Variants in POGLUT3 observed in about 807,000 individuals in gnomAD.
POGLUT3 encodes the protein KDEL (Lys-Asp-Glu-Leu) containing 2.
In POGLUT3, 48 loss-of-function variants were observed where a neutral mutation model predicts 54.3. The observed-to-expected ratio is 0.88, with a 90% CI of 0.70 to 1.12. The LOEUF (loss-of-function observed/expected upper bound fraction) is 1.12, where lower values mean the gene tolerates loss of function less well. Among genes scored for constraint, POGLUT3 ranks in the 50% most tolerant of loss-of-function variants. POGLUT3 has a pLI of 0.00. For synonymous variants in POGLUT3, 218 were observed against 237.4 expected (o/e 0.92, Z 0.75); for missense variants, 629 against 618.7 (o/e 1.02, Z -0.18).
Position 108,482,183 on chromosome 11 carries a change from C to A in POGLUT3, c.724G>T (p.Asp242Tyr), listed in dbSNP as rs762370770. 2 of 1,614,024 alleles carry A rather than the reference C, an allele frequency of 1.2e-6. No individual in the cohort carries two copies. The highest frequency in any genetic ancestry group is 1.7e-6 in the Non-Finnish European group (2 of 1,179,946). The change falls in exon 4 of 8, where the codon GAT (aspartate) becomes TAT (tyrosine). Residue 242 changes from aspartate (D) to tyrosine (Y), a missense_variant. Transcript: ENST00000323468. ...ACTTTTCGATGCTCCAAGGGCCAAT[C>A]TCCAAGATTAACATAAAATTCTAAA... ...PDLEFYVNLG[D>Y]WPLEHRKVNG...
rs2093576860 is a variant in POGLUT3 at position 108,474,706 on chromosome 11, T to C, written c.*121A>G. 1.7e-5 allele frequency: 19 copies of C among 1,144,276 alleles called. No homozygotes were observed. In the South Asian group the frequency reaches 2.4e-4, roughly 14 times the overall value. The allele number at this position is 1,144,276 out of a possible 1,614,324, so 70.9% of individuals were successfully genotyped here. ...CAGTACTGCTATATCCATCTACATATATAAAGCCACCGGGAGAACTAGTCC... is the reference window on the plus strand; with the variant it reads ...CAGTACTGCTATATCCATCTACATACATAAAGCCACCGGGAGAACTAGTCC... On this transcript the variant is annotated 3_prime_UTR_variant, in exon 8 of 8. Transcript: ENST00000323468.
At chr11:108,489,820 C>A (rs534717230) in intron 2 of POGLUT3, among the ~76,000 whole-genome samples, 1 of 152,166 alleles carries the variant, frequency 6.6e-6, no homozygotes, top group African/African-American at 2.4e-5. Context: ...GTGGTATGTG[C>A]CTGCAGTCCT....
At chr11:108,483,492 T>C (rs2135853172) in intron 3 of POGLUT3, among the ~76,000 whole-genome samples, 1 of 152,258 alleles carries the variant, frequency 6.6e-6, no homozygotes, top group East Asian at 1.9e-4. Context: ...TTTGTTTGTA[T>C]TCACATCCCA....
intron 4 of POGLUT3, 41 bp from the exon 5 acceptor site, chr11:108,481,417 T>G: frequency 6.8e-7 from 1 of 1,479,410 alleles, no homozygotes; most frequent in Non-Finnish European, 9.1e-7. Context: ...ATTATGAATT[T>G]GACATTTTAA....
At position 108,473,978 on chromosome 11, in the gene POGLUT3, A is replaced by G. The variant is rs2093575273; in HGVS notation, c.*849T>C. 1 of 152,106 alleles carries G rather than the reference A, an allele frequency of 6.6e-6. No homozygotes were observed. Among genetic ancestry groups the G allele is most frequent in the African/African-American group, 2.4e-5 (1 of 41,424 alleles). 9.4% of individuals were successfully genotyped at this position (152,106 alleles called of 1,614,324 possible). A position where few individuals can be genotyped will look rare whatever the true frequency, so the allele number is the denominator to read the frequency against. ...AGAGTCATTCTCTTCTTCCTTAAAT[A>G]TCCTTATCAGACCTTCTAAAAGGAA... On this transcript the variant is annotated 3_prime_UTR_variant, in exon 8 of 8. Transcript: ENST00000323468.
rs1168030188 is a variant in POGLUT3 at position 108,490,950 on chromosome 11, A to G, written c.400+20T>C. ...GACCTACACACAAGGCTGACTCTGG[A>G]GTATATAATAATCACTTACCTTTCA... On this transcript the variant is annotated intron_variant, in intron 2 of 7. Transcript: ENST00000323468. 2 of 1,594,220 alleles carry G rather than the reference A, an allele frequency of 1.3e-6. No homozygotes were observed. The highest frequency in any genetic ancestry group is 1.7e-6 in the Non-Finnish European group (2 of 1,162,106).
At chr11:108,481,438 A>G (rs2093592385) in intron 4 of POGLUT3, 62 bp from the exon 5 acceptor site, 3 of 1,248,986 alleles carry the variant, frequency 2.4e-6, no homozygotes, top group South Asian at 1.7e-5. Flanking sequence ...TATGGCAAGC[A>G]TAATCCTCTT....
At position 108,480,722 on chromosome 11, in the gene POGLUT3, A is replaced by G. The variant is rs184591037; in HGVS notation, c.1098+458T>C. Among the ~76,000 whole-genome samples the G allele has an allele frequency of 1.8e-3, 267 of 152,310 alleles. 1 individual carries two copies. The highest frequency in any genetic ancestry group is 6.2e-3 in the African/African-American group (258 of 41,562). The stretch of plus-strand genomic sequence containing the variant: ...ACACGGGTTTAAAGACCAAGGCACC[A>G]AGACAGGAAGGTCCCATAGTTGGTG... On this transcript the variant is annotated intron_variant, in intron 5 of 7. Transcript: ENST00000323468.
At position 108,486,139 on chromosome 11, in the gene POGLUT3, A is replaced by T; in HGVS notation, c.684+18T>A. 1 of 1,551,418 alleles carries T rather than the reference A, an allele frequency of 6.4e-7. No homozygotes were observed. Among genetic ancestry groups the T allele is most frequent in the Non-Finnish European group, 8.9e-7 (1 of 1,126,498 alleles). ...CCTAAATAATTAAACTGTATTATCA[A>T]TTCATTCATTCTCCTACCTTTCTTG... On this transcript the variant is annotated intron_variant, in intron 3 of 7. Transcript: ENST00000323468.
intron 3 of POGLUT3, among the ~76,000 whole-genome samples, chr11:108,484,596 T>TA (rs917686209): frequency 2.6e-5 from 4 of 151,938 alleles, no homozygotes; most frequent in Admixed American, 1.3e-4. Context: ...CCTTCTCTAC[T>TA]AAAAAAACAA....
rs544471368 is a variant in POGLUT3, at chr11:108,476,543, T to C, written c.1398+1064A>G. 1.1e-4 allele frequency among the ~76,000 whole-genome samples: 16 copies of C among 152,358 alleles called. No individual in the cohort carries two copies. In the South Asian group the frequency reaches 3.1e-3, roughly 30 times the overall value. On this transcript the variant is annotated intron_variant, in intron 7 of 7. Coordinates refer to ENST00000323468, the MANE Select transcript of POGLUT3 (RefSeq NM_153705.5). ...TAGTAAATAGTGTAACTTATCATTT[T>C]TATTTTTCTATGAAAATGAAAATAT...
chr11:108,494,031 T>G (rs2093617809), intron 1 of POGLUT3, among the ~76,000 whole-genome samples: 3 of 152,176 alleles, frequency 2.0e-5, no homozygotes, highest in Admixed American at 2.0e-4. Flanking sequence ...TTTTATGGGC[T>G]TGAGACTTTC....
At chr11:108,497,319 T>G (rs1293332779) in intron 1 of POGLUT3, among the ~76,000 whole-genome samples, 1 of 152,234 alleles carries the variant, frequency 6.6e-6, no homozygotes, top group Non-Finnish European at 1.5e-5. Flanking sequence ...CCCTTACCCC[T>G]TTCCCAAGTT....
At chr11:108,492,797 A>G (rs1341852673) in intron 1 of POGLUT3, among the ~76,000 whole-genome samples, 2 of 152,250 alleles carry the variant, frequency 1.3e-5, no homozygotes, top group South Asian at 2.1e-4. Context: ...GATGCTATAA[A>G]GTGGTAATAA....
intron 3 of POGLUT3, among the ~76,000 whole-genome samples, chr11:108,485,608 G>A (rs1030679279): frequency 6.6e-6 from 1 of 151,766 alleles, no homozygotes; most frequent in African/African-American, 2.4e-5. Flanking sequence ...ATACCTACCT[G>A]GGATGGGGGC....
intron 1 of POGLUT3, among the ~76,000 whole-genome samples, chr11:108,491,895 G>A (rs2093614037): frequency 6.6e-6 from 1 of 152,150 alleles, no homozygotes; most frequent in South Asian, 2.1e-4. Flanking sequence ...GATCTCTCTA[G>A]TAATCGAACT....
chr11:108,477,719 GT>G lies in POGLUT3; in HGVS notation c.1294-9del. On this transcript the variant is annotated splice_polypyrimidine_tract_variant and intron_variant, in intron 6 of 7. Coordinates refer to ENST00000323468, the MANE Select transcript of POGLUT3 (RefSeq NM_153705.5). ...GGCTTCTTCATCATTTTCCTGAAAG[GT>G]TAAAAAAAATAAAAATGAATGAAAA... The G allele has an allele frequency of 6.3e-7, 1 of 1,575,258 alleles. No homozygotes were observed. The highest frequency in any genetic ancestry group is 8.7e-7 in the Non-Finnish European group (1 of 1,145,606).
At chr11:108,475,293 T>C (rs930903135) in intron 7 of POGLUT3, among the ~76,000 whole-genome samples, 4 of 152,108 alleles carry the variant, frequency 2.6e-5, no homozygotes, top group Non-Finnish European at 5.9e-5. Context: ...TTAACTTTGT[T>C]GAATACTCAA....
At chr11:108,492,545 T>C (rs2093615109) in intron 1 of POGLUT3, among the ~76,000 whole-genome samples, 1 of 152,226 alleles carries the variant, frequency 6.6e-6, no homozygotes, top group Non-Finnish European at 1.5e-5. Context: ...AAATTCTTAG[T>C]TTCTAAATCG....
Sources: allele counts gnomAD v4.1 joint callset (sites outside exome capture counted in the v4.1 genomes callset), GRCh38; gene constraint gnomAD v4.1.1; transcripts MANE v1.5; gene names NCBI Gene and HGNC (gene_info 2026-07-23, HGNC 2026-07-21).